The following FAM89A variants were observed in gnomAD, a reference collection of about 807,000 sequenced individuals.
FAM89A encodes the protein family with sequence similarity 89 member A, also known as protein FAM89A.
FAM89A carries 10 observed loss-of-function variants against 7.1 expected under a neutral mutation model. That is an observed-to-expected ratio of 1.40 (90% CI 0.86 to 2.38). The LOEUF (loss-of-function observed/expected upper bound fraction) is 2.38. Ranked by LOEUF, FAM89A falls within the 30% of genes most tolerant of loss-of-function variation. The pLI, the probability that FAM89A is intolerant of heterozygous loss-of-function variation, is 0.00. For missense variants in FAM89A, 276 were observed against 262.8 expected (o/e 1.05, Z -0.35); for synonymous variants, 157 against 129.3 (o/e 1.21, Z -1.45).
chr1:231,040,082 A>G lies in FAM89A; in HGVS notation c.130T>C (p.Ser44Pro). The G allele has an allele frequency of 2.8e-6, 4 of 1,440,914 alleles. No homozygotes were observed. The highest frequency in any genetic ancestry group is 3.6e-6 in the Non-Finnish European group (4 of 1,098,712). 89.3% of individuals were successfully genotyped at this position (1,440,914 alleles called of 1,614,324 possible). A position where few individuals can be genotyped will look rare whatever the true frequency, so the allele number is the denominator to read the frequency against. ...CGCTCCAGGTGCCGCCAGCCCCCAG[A>G]CGCGCCGCCGCCCGACGCCGAGTGC... ...LLHSASGGGA[S>P]GGWRHLERLY... Residue 44 changes from serine to proline, a missense_variant, in exon 1 of 2, where the codon TCT (serine) becomes CCT (proline). Coordinates refer to ENST00000366654, the MANE Select transcript of FAM89A (RefSeq NM_198552.3).
At chr1:231,036,337 T>G (rs920017344) in intron 1 of FAM89A, among the ~76,000 whole-genome samples, 63 of 152,168 alleles carry the variant, frequency 4.1e-4, no homozygotes, top group Non-Finnish European at 7.5e-4. Context: ...CTATTCACCC[T>G]TAAACCATCC....
chr1:231,028,981 C>T (rs557322925), intron 1 of FAM89A, among the ~76,000 whole-genome samples: 1 of 152,148 alleles, frequency 6.6e-6, no homozygotes, highest in Non-Finnish European at 1.5e-5. Flanking sequence ...CCAGACAGGG[C>T]GGTGGCTCCC....
chr1:231,021,034 G>A (rs986323099), intron 1 of FAM89A, among the ~76,000 whole-genome samples: 1 of 152,140 alleles, frequency 6.6e-6, no homozygotes, highest in African/African-American at 2.4e-5. Flanking sequence ...AACCACCCGG[G>A]GATCTTGTTC....
chr1:231,023,186 C>T (rs1311164997), intron 1 of FAM89A, among the ~76,000 whole-genome samples: 1 of 152,178 alleles, frequency 6.6e-6, no homozygotes, highest in African/African-American at 2.4e-5. Context: ...GAACCTGGCC[C>T]ACCTGACTTG....
chr1:231,025,349 TGCCA>T (rs1679952422), intron 1 of FAM89A, among the ~76,000 whole-genome samples: 1 of 152,170 alleles, frequency 6.6e-6, no homozygotes, highest in Non-Finnish European at 1.5e-5. Context: ...CCCGACCCTC[TGCCA>T]GCCTATAAAA....
intron 1 of FAM89A, among the ~76,000 whole-genome samples, chr1:231,031,126 A>G (rs547054921): frequency 6.6e-6 from 1 of 151,996 alleles, no homozygotes; most frequent in Non-Finnish European, 1.5e-5. Flanking sequence ...AATAATAATA[A>G]TAATAATAAA....
At chr1:231,025,165 A>G (rs991198752) in intron 1 of FAM89A, among the ~76,000 whole-genome samples, 3 of 150,816 alleles carry the variant, frequency 2.0e-5, no homozygotes, top group African/African-American at 7.3e-5. Context: ...CTTGTGATCC[A>G]CCCGCCTCGG....
chr1:231,022,931 C>T (rs570410412), intron 1 of FAM89A, among the ~76,000 whole-genome samples: 1 of 151,684 alleles, frequency 6.6e-6, no homozygotes, highest in African/African-American at 2.4e-5. Flanking sequence ...AGGAACCTTA[C>T]CCATGCTCCA....
At chr1:231,027,344 A>C (rs1679991563) in intron 1 of FAM89A, among the ~76,000 whole-genome samples, 1 of 152,226 alleles carries the variant, frequency 6.6e-6, no homozygotes, top group South Asian at 2.1e-4. Context: ...TGGCCTAGAA[A>C]GGAATCCTGA....
chr1:231,035,125 G>A (rs1162375336), intron 1 of FAM89A, among the ~76,000 whole-genome samples: 1 of 152,190 alleles, frequency 6.6e-6, no homozygotes, highest in Non-Finnish European at 1.5e-5. Context: ...TAAAGGATAA[G>A]GACTGTACTC....
chr1:231,019,870 G>T lies in FAM89A; in HGVS notation c.548C>A (p.Ser183Tyr), dbSNP rs147736691. Reference protein sequence around the residue: ...SLSSSDWILESI With the variant: ...SLSSSDWILEYI ...CATCCCTCCCAAGACCCTCTAGATG[G>T]ACTCCAGAATCCAGTCGCTGCTGGA... Residue 183 changes from serine (S) to tyrosine (Y), a missense_variant, in exon 2 of 2, where the codon TCC (serine) becomes TAC (tyrosine). Coordinates refer to ENST00000366654, the MANE Select transcript of FAM89A (RefSeq NM_198552.3). The T allele has an allele frequency of 1.9e-6, 3 of 1,613,796 alleles. No individual in the cohort carries two copies. The highest frequency in any genetic ancestry group is 3.3e-5 in the Admixed American group (2 of 60,020).
chr1:231,034,884 G>C (rs556109192), intron 1 of FAM89A, among the ~76,000 whole-genome samples: 1 of 152,230 alleles, frequency 6.6e-6, no homozygotes, highest in Non-Finnish European at 1.5e-5. Context: ...GGAGATTCTG[G>C]AGCTGGCGGT....
intron 1 of FAM89A, among the ~76,000 whole-genome samples, chr1:231,035,839 T>C (rs1680149865): frequency 6.6e-6 from 1 of 152,344 alleles, no homozygotes; most frequent in African/African-American, 2.4e-5. Flanking sequence ...TTTTGCAAAC[T>C]GTCCTTTCTT....
intron 1 of FAM89A, among the ~76,000 whole-genome samples, chr1:231,033,896 T>C (rs1680115208): frequency 1.3e-5 from 2 of 152,120 alleles, no homozygotes; most frequent in Admixed American, 1.3e-4. Flanking sequence ...ACCCACACAC[T>C]GCCCTTACTG....
At chr1:231,039,767 G>A (rs1680224574) in intron 1 of FAM89A, among the ~76,000 whole-genome samples, 154 bp downstream of exon 1, 1 of 152,138 alleles carries the variant, frequency 6.6e-6, no homozygotes, top group South Asian at 2.1e-4. Flanking sequence ...GAGAAAAATG[G>A]GGGTCGTTGG....
At chr1:231,037,245 T>C (rs568187764) in intron 1 of FAM89A, among the ~76,000 whole-genome samples, 1 of 152,306 alleles carries the variant, frequency 6.6e-6, no homozygotes, top group Non-Finnish European at 1.5e-5. Context: ...GGAGAATTTA[T>C]ACCATTAAAT....
chr1:231,037,332 T>G (rs957701397), intron 1 of FAM89A, among the ~76,000 whole-genome samples: 2 of 152,242 alleles, frequency 1.3e-5, no homozygotes, highest in Admixed American at 1.3e-4. Context: ...TATTTCTAGG[T>G]GCTGGCACTG....
At chr1:231,025,676 A>T (rs921401155) in intron 1 of FAM89A, among the ~76,000 whole-genome samples, 6 of 152,040 alleles carry the variant, frequency 3.9e-5, no homozygotes, top group Non-Finnish European at 8.8e-5. Context: ...TTTGTGTTTT[A>T]AAAATTATCC....
intron 1 of FAM89A, among the ~76,000 whole-genome samples, chr1:231,031,313 C>A (rs1046591304): frequency 6.6e-6 from 1 of 152,110 alleles, no homozygotes; most frequent in Non-Finnish European, 1.5e-5. Context: ...CCTTTTCAGA[C>A]AATTGTGGAT....
Sources: allele counts gnomAD v4.1 joint callset (sites outside exome capture counted in the v4.1 genomes callset), GRCh38; gene constraint gnomAD v4.1.1; transcripts MANE v1.5; gene names NCBI Gene and HGNC (gene_info 2026-07-23, HGNC 2026-07-21).